Variants in CAPN5 observed in about 807,000 individuals in gnomAD.
CAPN5 encodes calpain 5.
A neutral mutation model predicts 73.0 loss-of-function variants in CAPN5; 54 were observed. That is an observed-to-expected ratio of 0.74 (90% CI 0.59 to 0.93). The LOEUF is 0.93. Ranked by LOEUF, CAPN5 falls within the 40% of genes least tolerant of loss-of-function variation. The probability of loss-of-function intolerance (pLI) is 0.00; values close to 1 mark genes in which losing one functional copy is unlikely to be tolerated. For synonymous variants in CAPN5, 335 were observed against 356.9 expected (o/e 0.94, Z 0.69); for missense variants, 785 against 882.9 (o/e 0.89, Z 1.41).
chr11:77,115,333 T>G, intron 5 of CAPN5, 62 bp from the exon 6 acceptor site: 8 of 1,417,234 alleles, frequency 5.6e-6, no homozygotes, highest in Non-Finnish European at 7.7e-6. Flanking sequence ...CTCCAGCACC[T>G]GAGTCCCTGG....
chr11:77,106,844 G>A (rs911156763), intron 3 of CAPN5, among the ~76,000 whole-genome samples: 6 of 152,254 alleles, frequency 3.9e-5, no homozygotes, highest in South Asian at 4.1e-4. Flanking sequence ...GGCGCAGGGC[G>A]GAGGGGTGGG....
chr11:77,085,098 A>G, intron 2 of CAPN5, 47 bp downstream of exon 2: 1 of 1,561,294 alleles, frequency 6.4e-7, no homozygotes, highest in Non-Finnish European at 8.8e-7. Context: ...GCCCAGGCCC[A>G]CCCACAAGGC....
At chr11:77,075,195 C>G (rs1225485140) in intron 1 of CAPN5, among the ~76,000 whole-genome samples, 1 of 152,182 alleles carries the variant, frequency 6.6e-6, no homozygotes, top group Non-Finnish European at 1.5e-5. Flanking sequence ...ATCCCTGCCC[C>G]ACACCCCTCC....
intron 6 of CAPN5, 21 bp from the exon 7 acceptor site, chr11:77,116,204 CT>C: frequency 6.3e-7 from 1 of 1,597,776 alleles, no homozygotes; most frequent in Non-Finnish European, 8.5e-7. Context: ...TCCCTTTCTC[CT>C]CCCCGGCCCT....
chr11:77,068,270 G>C (rs563451738), intron 1 of CAPN5, among the ~76,000 whole-genome samples: 2 of 152,234 alleles, frequency 1.3e-5, no homozygotes, highest in South Asian at 4.1e-4. Flanking sequence ...CTGCAGGCCA[G>C]GTCAGGCTAG....
chr11:77,092,298 C>T (rs868968940), intron 2 of CAPN5, among the ~76,000 whole-genome samples: 1 of 152,184 alleles, frequency 6.6e-6, no homozygotes, highest in South Asian at 2.1e-4. Flanking sequence ...ATCAGAAAGC[C>T]GAGGCTCAGA....
chr11:77,106,380 G>T (rs1477581050), intron 3 of CAPN5, among the ~76,000 whole-genome samples: 2 of 151,466 alleles, frequency 1.3e-5, no homozygotes, highest in African/African-American at 4.9e-5. Context: ...CCCACCCTCA[G>T]GACAGCAGTA....
At chr11:77,068,165 C>G (rs1044030302) in intron 1 of CAPN5, among the ~76,000 whole-genome samples, 1 of 152,138 alleles carries the variant, frequency 6.6e-6, no homozygotes, top group Non-Finnish European at 1.5e-5. Flanking sequence ...TCCCAGGGTC[C>G]TCGGGCTGGT....
chr11:77,090,889 G>A (rs1950141926), intron 2 of CAPN5, among the ~76,000 whole-genome samples: 1 of 152,188 alleles, frequency 6.6e-6, no homozygotes, highest in East Asian at 1.9e-4. Flanking sequence ...CAGCGGGGAG[G>A]AGAGGGAAAG....
rs374512102 is a variant in CAPN5, at chr11:77,119,172, C to T, written c.1290+20C>T. ...TACAAGGTGAGGCCAGCCGGGTCCCCTGCCGTGGGTGGGGAGAGGGAGGGA... is the reference window on the plus strand; with the variant it reads ...TACAAGGTGAGGCCAGCCGGGTCCCTTGCCGTGGGTGGGGAGAGGGAGGGA... On this transcript the variant is annotated intron_variant, in intron 9 of 12. Coordinates refer to ENST00000648180, the MANE Select transcript of CAPN5 (RefSeq NM_004055.5). The T allele has an allele frequency of 7.3e-4, 1,173 of 1,598,166 alleles. 22 individuals are homozygous for T. In the South Asian group the frequency reaches 0.012, roughly 17 times the overall value.
At chr11:77,099,686 C>T (rs1366145481) in intron 3 of CAPN5, among the ~76,000 whole-genome samples, 1 of 148,070 alleles carries the variant, frequency 6.8e-6, no homozygotes, top group Non-Finnish European at 1.5e-5. Flanking sequence ...CCAGCTTCGG[C>T]TCCACATGAG....
At chr11:77,103,687 C>T (rs1950314128) in intron 3 of CAPN5, among the ~76,000 whole-genome samples, 1 of 152,206 alleles carries the variant, frequency 6.6e-6, no homozygotes, top group African/African-American at 2.4e-5. Context: ...AAGAGAGACA[C>T]AGAGACAGAG....
At chr11:77,092,315 G>C (rs893886996) in intron 2 of CAPN5, among the ~76,000 whole-genome samples, 2 of 152,220 alleles carry the variant, frequency 1.3e-5, no homozygotes, top group Non-Finnish European at 2.9e-5. Context: ...CAGAGAGCTC[G>C]CCAGATTGCC....
intron 1 of CAPN5, among the ~76,000 whole-genome samples, chr11:77,067,632 CGTGTGT>C (rs71043542): frequency 9.1e-4 from 115 of 126,736 alleles, no homozygotes; most frequent in Non-Finnish European, 1.2e-3. Flanking sequence ...GGCGGGCGCA[CGTGTGT>C]GTGTGTGTGT....
chr11:77,113,952 A>G (rs1555041178), intron 4 of CAPN5, among the ~76,000 whole-genome samples: 2 of 149,698 alleles, frequency 1.3e-5, no homozygotes, highest in African/African-American at 4.9e-5. Context: ...TCCGACAGTA[A>G]CTCCTTCCCC....
Position 77,120,774 on chromosome 11 carries a change from A to G in CAPN5, c.1352A>G (p.Tyr451Cys), listed in dbSNP as rs1950513815. 6.2e-7 allele frequency: 1 copy of G among 1,614,056 alleles called. No homozygotes were observed. Among genetic ancestry groups the G allele is most frequent in the East Asian group, 2.2e-5 (1 of 44,880 alleles). The change falls in exon 10 of 13, where the codon TAC becomes TGC. Residue 451 changes from tyrosine to cysteine, a missense_variant. Tyr to Cys is a radical substitution (Grantham distance 194, BLOSUM62 -2). Transcript: ENST00000648180. ...CAGCACAAGGCCGCCAGCTCCATCT[A>G]CATCAACTCACGCAGCGTCTTCCTG... is the stretch of plus-strand genomic sequence containing the variant. ...SLQHKAASSIYINSRSVFLRT... is the reference protein window; with the variant it reads ...SLQHKAASSICINSRSVFLRT...
chr11:77,121,802 C>T (rs782133765), intron 10 of CAPN5, 132 bp from the exon 11 acceptor site: 4 of 572,550 alleles, frequency 7.0e-6, no homozygotes, highest in South Asian at 2.2e-5. Context: ...TGGGGATTTG[C>T]TCAGGACTAA....
chr11:77,108,845 C>T lies in CAPN5; in HGVS notation c.298-3744C>T, dbSNP rs538001169. Among the ~76,000 whole-genome samples the T allele has an allele frequency of 2.5e-4, 38 of 152,200 alleles. No individual in the cohort carries two copies. The East Asian group carries it at 6.4e-3, about 25-fold the overall frequency. ...GTGCTATAAATATGCATAGGTTTTA[C>T]GGTTTGTTTGAATGAGATCCAAACA... On this transcript the variant is annotated intron_variant, in intron 3 of 12. Transcript: ENST00000648180.
At chr11:77,082,478 AC>A (rs1387281956) in intron 1 of CAPN5, among the ~76,000 whole-genome samples, 1 of 152,178 alleles carries the variant, frequency 6.6e-6, no homozygotes, top group Non-Finnish European at 1.5e-5. Context: ...AGGAGACCTG[AC>A]CCTGTCGGGG....
Sources: allele counts gnomAD v4.1 joint callset (sites outside exome capture counted in the v4.1 genomes callset), GRCh38; gene constraint gnomAD v4.1.1; transcripts MANE v1.5; gene names NCBI Gene and HGNC (gene_info 2026-07-23, HGNC 2026-07-21).